The following KCTD16 variants were observed in gnomAD, a reference collection of about 807,000 sequenced individuals.
KCTD16 encodes the protein potassium channel tetramerization domain containing 16.
Under a neutral mutation model 33.2 loss-of-function variants are expected in KCTD16, and 13 were observed. The observed-to-expected ratio is 0.39, with a 90% CI of 0.25 to 0.62. The LOEUF is 0.62. Among genes scored for constraint, KCTD16 ranks in the 20% least tolerant of loss-of-function variants. The pLI, the probability that KCTD16 is intolerant of heterozygous loss-of-function variation, is 0.50. For missense variants in KCTD16, 441 were observed against 525.1 expected (o/e 0.84, Z 1.57); for synonymous variants, 197 against 195.3 (o/e 1.01, Z -0.07).
rs1002308606 is a variant in KCTD16 at position 144,319,124 on chromosome 5, A to G, written c.832+111578A>G. Among the ~76,000 whole-genome samples the G allele has an allele frequency of 3.3e-5, 5 of 152,030 alleles. No individual in the cohort carries two copies. In the East Asian group the frequency reaches 5.8e-4, roughly 18 times the overall value. On this transcript the variant is annotated intron_variant, in intron 3 of 3. Transcript: ENST00000512467. ...TTATTGGAATGAATAAATAAATAAT[A>G]AAAATATTAATAATAACTAAATTTT...
At position 144,479,032 on chromosome 5, in the gene KCTD16, C is replaced by A. The variant is rs1175071682; in HGVS notation, c.*4918C>A. The stretch of plus-strand genomic sequence containing the variant: ...TGAGATGTATTCTAATGATACCCAA[C>A]AAGAAATAAAAATAATGATCTTTCC... On this transcript the variant is annotated 3_prime_UTR_variant, in exon 4 of 4. Coordinates refer to ENST00000512467, the MANE Select transcript of KCTD16 (RefSeq NM_020768.4). 1.3e-5 allele frequency: 2 copies of A among 151,808 alleles called. No homozygotes were observed. Among genetic ancestry groups the A allele is most frequent in the Non-Finnish European group, 2.9e-5 (2 of 67,894 alleles). 9.4% of individuals were successfully genotyped at this position (151,808 alleles called of 1,614,324 possible).
intron 3 of KCTD16, among the ~76,000 whole-genome samples, chr5:144,288,413 C>G (rs1755806634): frequency 6.6e-6 from 1 of 151,966 alleles, no homozygotes; most frequent in Non-Finnish European, 1.5e-5. Context: ...TGCTTGGCAC[C>G]CTGGGGAGCA....
chr5:144,375,901 C>T (rs1752080663), intron 3 of KCTD16, among the ~76,000 whole-genome samples: 1 of 152,014 alleles, frequency 6.6e-6, no homozygotes, highest in South Asian at 2.1e-4. Context: ...ACCTCCGCCT[C>T]CTGGGTTCAA....
At chr5:144,171,752 G>A (rs1251055830) in intron 1 of KCTD16, among the ~76,000 whole-genome samples, 2 of 152,188 alleles carry the variant, frequency 1.3e-5, no homozygotes, top group Non-Finnish European at 2.9e-5. Flanking sequence ...GTTGAGGCTG[G>A]AATAACAGGA....
chr5:144,300,112 A>G (rs887199034), intron 3 of KCTD16, among the ~76,000 whole-genome samples: 1 of 152,014 alleles, frequency 6.6e-6, no homozygotes, highest in South Asian at 2.1e-4. Flanking sequence ...CCTCATTCAG[A>G]TATGATCTTA....
chr5:144,228,473 A>T (rs951648134), intron 3 of KCTD16, among the ~76,000 whole-genome samples: 39 of 152,224 alleles, frequency 2.6e-4, no homozygotes, highest in Non-Finnish European at 1.6e-4. Flanking sequence ...CAAAAGCCTC[A>T]TTGGAATGTA....
At chr5:144,299,126 ATATATATATATATATATATATATT>A (rs1173783139) in intron 3 of KCTD16, among the ~76,000 whole-genome samples, 8 of 23,816 alleles carry the variant, frequency 3.4e-4, no homozygotes, top group African/African-American at 9.6e-4. Flanking sequence ...ATATATATAT[ATATATATATATATATATATATATT>A]TTTTTTTTTT....
intron 3 of KCTD16, among the ~76,000 whole-genome samples, chr5:144,407,196 T>A (rs576844703): frequency 0.018 from 1,963 of 106,172 alleles, 53 homozygotes; most frequent in African/African-American, 0.074. Flanking sequence ...TTTAAAAAAA[T>A]TCCTGTTTTT....
rs564925246 is a variant in KCTD16, at chr5:144,441,911, T to C, written c.833-31749T>C. ...TTGGAGATTGCATTGAATCTGTAGA[T>C]TGACTTGCAGAATACTGTCATTTTA... On this transcript the variant is annotated intron_variant, in intron 3 of 3. Coordinates refer to ENST00000512467, the MANE Select transcript of KCTD16 (RefSeq NM_020768.4). Among the ~76,000 whole-genome samples the C allele has an allele frequency of 4.9e-4, 75 of 152,014 alleles. 1 individual carries two copies. The highest frequency in any genetic ancestry group is 3.4e-3 in the Middle Eastern group (1 of 294).
intron 3 of KCTD16, among the ~76,000 whole-genome samples, chr5:144,463,856 T>C (rs1040764114): frequency 3.3e-5 from 5 of 152,228 alleles, no homozygotes; most frequent in African/African-American, 4.8e-5. Flanking sequence ...TGTCTATTAT[T>C]ATTACATAAT....
At chr5:144,299,127 TATATATATATATATATATATA>T (rs1561558655) in intron 3 of KCTD16, among the ~76,000 whole-genome samples, 26 of 26,166 alleles carry the variant, frequency 9.9e-4, no homozygotes, top group East Asian at 1.6e-3. Context: ...TATATATATA[TATATATATATATATATATATA>T]TTTTTTTTTT....
chr5:144,406,495 G>T (rs906387558), intron 3 of KCTD16, among the ~76,000 whole-genome samples: 3 of 152,204 alleles, frequency 2.0e-5, no homozygotes, highest in African/African-American at 7.2e-5. Flanking sequence ...ATCTGTTCTA[G>T]AAATGTCCAT....
intron 2 of KCTD16, among the ~76,000 whole-genome samples, chr5:144,191,045 A>G (rs973912074): frequency 2.0e-5 from 3 of 152,246 alleles, no homozygotes; most frequent in Non-Finnish European, 4.4e-5. Flanking sequence ...CCAAATGGGT[A>G]ATAGAGCAGC....
intron 3 of KCTD16, among the ~76,000 whole-genome samples, chr5:144,394,230 C>T (rs1752515590): frequency 6.6e-6 from 1 of 152,144 alleles, no homozygotes; most frequent in South Asian, 2.1e-4. Flanking sequence ...TGGATCATGA[C>T]AATGTCAGAC....
intron 3 of KCTD16, among the ~76,000 whole-genome samples, chr5:144,265,145 G>T (rs569961628): frequency 6.6e-6 from 1 of 152,134 alleles, no homozygotes; most frequent in Non-Finnish European, 1.5e-5. Flanking sequence ...ACAGTTGTAA[G>T]GAGAAAATTA....
At chr5:144,215,082 A>C (rs1055314372) in intron 3 of KCTD16, among the ~76,000 whole-genome samples, 1 of 152,170 alleles carries the variant, frequency 6.6e-6, no homozygotes, top group Admixed American at 6.5e-5. Context: ...AATAATAATA[A>C]TAATGTTATT....
intron 3 of KCTD16, among the ~76,000 whole-genome samples, chr5:144,233,821 G>A (rs1754173663): frequency 6.6e-6 from 1 of 152,098 alleles, no homozygotes; most frequent in Non-Finnish European, 1.5e-5. Context: ...TTATCTGGTT[G>A]CAATAAATCT....
chr5:144,202,585 G>T (rs1457657285), intron 2 of KCTD16, among the ~76,000 whole-genome samples: 1 of 152,106 alleles, frequency 6.6e-6, no homozygotes, highest in Non-Finnish European at 1.5e-5. Flanking sequence ...AGAAGGTGAG[G>T]GAGGCCTAGA....
chr5:144,467,085 T>TACAC (rs1358480249), intron 3 of KCTD16, among the ~76,000 whole-genome samples: 3 of 131,908 alleles, frequency 2.3e-5, no homozygotes, highest in Non-Finnish European at 3.3e-5. Flanking sequence ...ATATATAGTG[T>TACAC]TATATATATT....
Sources: allele counts gnomAD v4.1 joint callset (sites outside exome capture counted in the v4.1 genomes callset), GRCh38; gene constraint gnomAD v4.1.1; transcripts MANE v1.5; gene names NCBI Gene and HGNC (gene_info 2026-07-23, HGNC 2026-07-21).